MAP4K4: variants seen among roughly 807,000 people sequenced by gnomAD.
MAP4K4 encodes mitogen-activated protein kinase kinase kinase kinase 4.
Under a neutral mutation model 189.6 loss-of-function variants are expected in MAP4K4, and 38 were observed. The ratio of observed to expected loss-of-function variants is 0.20; its 90% confidence interval spans 0.15 to 0.26. The LOEUF (loss-of-function observed/expected upper bound fraction) is 0.26, where lower values mean the gene tolerates loss of function less well. Ranked by LOEUF, MAP4K4 falls within the 10% of genes least tolerant of loss-of-function variation. The pLI is 1.00. For missense variants in MAP4K4, 1,054 were observed against 1,726.9 expected, an observed-to-expected ratio of 0.61 and a Z score of 6.91; for synonymous variants, 610 against 624.3, an observed-to-expected ratio of 0.98 and a Z score of 0.34.
rs118043725 is a variant in MAP4K4 at position 101,776,456 on chromosome 2, G to C, written c.124-14264G>C. Among the ~76,000 whole-genome samples the C allele has an allele frequency of 1.0e-3, 159 of 152,042 alleles. 2 individuals are homozygous for C. The highest frequency in any genetic ancestry group is 7.9e-3 in the East Asian group (41 of 5,176). On this transcript the variant is annotated intron_variant, in intron 2 of 32. Transcript: ENST00000324219. ...ATTGTTTTCTTGGGCCTAGTCTAGA[G>C]GCTCAGCTTTAACAAATCTGTTTTT...
chr2:101,809,585 G>C (rs2095279900), intron 3 of MAP4K4, among the ~76,000 whole-genome samples: 1 of 152,198 alleles, frequency 6.6e-6, no homozygotes, highest in Non-Finnish European at 1.5e-5. Flanking sequence ...AAGGCCTGAT[G>C]ACTTTTTAAA....
At chr2:101,827,033 TTCAAAGACA>T (rs2096392674) in intron 5 of MAP4K4, among the ~76,000 whole-genome samples, 1 of 152,168 alleles carries the variant, frequency 6.6e-6, no homozygotes, top group African/African-American at 2.4e-5. Context: ...TATTTCAGCC[TTCAAAGACA>T]TCAAAGACAA....
chr2:101,775,984 A>G (rs1387778197), intron 2 of MAP4K4, among the ~76,000 whole-genome samples: 1 of 152,218 alleles, frequency 6.6e-6, no homozygotes, highest in Non-Finnish European at 1.5e-5. Flanking sequence ...ATAGACATGC[A>G]ATTAATGAGC....
At chr2:101,893,150 C>T in exon 33 of MAP4K4, 1 of 456,402 alleles carries the variant, frequency 2.2e-6, no homozygotes, top group South Asian at 1.5e-5. Context: ...GTTCCTGGTT[C>T]CATCTTTTTG....
At chr2:101,889,413 A>G (rs2098533438) in intron 32 of MAP4K4, among the ~76,000 whole-genome samples, 1 of 152,132 alleles carries the variant, frequency 6.6e-6, no homozygotes, top group Admixed American at 6.5e-5. Flanking sequence ...AAATCATCTT[A>G]TGCAGACATA....
chr2:101,816,098 C>A (rs1248992998), intron 3 of MAP4K4, among the ~76,000 whole-genome samples: 1 of 152,176 alleles, frequency 6.6e-6, no homozygotes, highest in African/African-American at 2.4e-5. Flanking sequence ...CCCTTTGCTG[C>A]AGCTTGGAGT....
At chr2:101,759,487 TCC>T (rs2074739857) in intron 2 of MAP4K4, among the ~76,000 whole-genome samples, 1 of 30,596 alleles carries the variant, frequency 3.3e-5, no homozygotes, top group Admixed American at 3.8e-4. Flanking sequence ...TCCCCTCCCC[TCC>T]CCTCTCCTCC....
At chr2:101,770,141 T>G (rs554286425) in intron 2 of MAP4K4, among the ~76,000 whole-genome samples, 1 of 152,338 alleles carries the variant, frequency 6.6e-6, no homozygotes, top group African/African-American at 2.4e-5. Context: ...AAATAAGTTT[T>G]GTAGATATCA....
At chr2:101,700,777 ATG>A (rs1349815743) in intron 2 of MAP4K4, among the ~76,000 whole-genome samples, 1 of 144,394 alleles carries the variant, frequency 6.9e-6, no homozygotes, top group African/African-American at 2.5e-5. Flanking sequence ...CATCAGTAAA[ATG>A]TGTTTTTTTT....
At chr2:101,760,660 A>G (rs1026294214) in intron 2 of MAP4K4, among the ~76,000 whole-genome samples, 4 of 151,960 alleles carry the variant, frequency 2.6e-5, no homozygotes, top group Non-Finnish European at 5.9e-5. Flanking sequence ...TCTATTTAAA[A>G]AATAAAGTTT....
chr2:101,887,637 A>C, intron 30 of MAP4K4, 141 bp from the exon 31 acceptor site: 4 of 611,822 alleles, frequency 6.5e-6, no homozygotes, highest in Non-Finnish European at 8.3e-6. Context: ...TTGCATGACT[A>C]TTCTAAAATG....
chr2:101,701,959 G>A (rs1042487235), intron 2 of MAP4K4, among the ~76,000 whole-genome samples: 2 of 152,108 alleles, frequency 1.3e-5, no homozygotes, highest in East Asian at 1.9e-4. Context: ...TCCGTCTCCC[G>A]GGTTCAAGTG....
intron 3 of MAP4K4, among the ~76,000 whole-genome samples, chr2:101,808,498 G>A (rs935427339): frequency 2.6e-5 from 4 of 151,976 alleles, no homozygotes; most frequent in African/African-American, 4.8e-5. Flanking sequence ...CTGCTTATCA[G>A]GATGATAAGA....
chr2:101,877,971 G>C (rs1030699377), intron 27 of MAP4K4, among the ~76,000 whole-genome samples: 1 of 152,072 alleles, frequency 6.6e-6, no homozygotes, highest in Non-Finnish European at 1.5e-5. Context: ...GGATGGTCTT[G>C]ATCTCCTGAC....
rs145758581 is a variant in MAP4K4, at chr2:101,865,371, G to A, written c.2204+335G>A. ...CTTTTCATCTAAGGGATGTTGTAAG[G>A]CCTGTGGCATAAAACAGAAATCACA... is the stretch of plus-strand genomic sequence containing the variant. On this transcript the variant is annotated intron_variant, in intron 18 of 32. Coordinates refer to ENST00000324219, the Ensembl canonical transcript of MAP4K4. Among the ~76,000 whole-genome samples, 14 of 152,246 alleles carry A rather than the reference G, an allele frequency of 9.2e-5. No individual in the cohort carries two copies. In the East Asian group the frequency reaches 2.7e-3, roughly 29 times the overall value.
intron 2 of MAP4K4, among the ~76,000 whole-genome samples, chr2:101,755,475 G>A (rs73943761): frequency 0.016 from 2,452 of 152,084 alleles, 76 homozygotes; most frequent in African/African-American, 0.056. Context: ...ATTGGTGGGC[G>A]GCCTGAGACA....
chr2:101,833,306 C>T (rs1276279990), intron 7 of MAP4K4, among the ~76,000 whole-genome samples: 1 of 151,850 alleles, frequency 6.6e-6, no homozygotes, highest in Admixed American at 6.6e-5. Flanking sequence ...TTCAAAAATC[C>T]TTTTTTTTGG....
intron 3 of MAP4K4, among the ~76,000 whole-genome samples, chr2:101,797,804 A>T (rs1294315491): frequency 6.7e-6 from 1 of 148,792 alleles, no homozygotes; most frequent in African/African-American, 2.5e-5. Flanking sequence ...GTTCCACTGT[A>T]TCCTCATATA....
chr2:101,758,891 T>C (rs1444715961), intron 2 of MAP4K4, among the ~76,000 whole-genome samples: 1 of 151,860 alleles, frequency 6.6e-6, no homozygotes, highest in African/African-American at 2.4e-5. Context: ...CCCAGCACTT[T>C]GGGAGGCTGA....
Sources: allele counts gnomAD v4.1 joint callset (sites outside exome capture counted in the v4.1 genomes callset), GRCh38; gene constraint gnomAD v4.1.1; transcripts MANE v1.5; gene names NCBI Gene and HGNC (gene_info 2026-07-23, HGNC 2026-07-21).